IGDCC3: variants seen among roughly 807,000 people sequenced by gnomAD.
IGDCC3 encodes immunoglobulin superfamily DCC subclass member 3.
Under a neutral mutation model 72.0 loss-of-function variants are expected in IGDCC3, and 47 were observed. The ratio of observed to expected loss-of-function variants is 0.65; its 90% CI spans 0.52 to 0.83. The LOEUF (loss-of-function observed/expected upper bound fraction) is 0.83, where lower values mean the gene tolerates loss of function less well. IGDCC3 is among the 40% of genes least tolerant of loss of function. The probability of loss-of-function intolerance (pLI) is 0.00; values close to 1 mark genes in which losing one functional copy is unlikely to be tolerated. For synonymous variants in IGDCC3, 477 were observed against 472.8 expected (o/e 1.01, Z -0.11); for missense variants, 1,038 against 1,091.3 (o/e 0.95, Z 0.69).
intron 2 of IGDCC3, among the ~76,000 whole-genome samples, chr15:65,349,934 C>A (rs534681780): frequency 6.6e-6 from 1 of 152,064 alleles, no homozygotes; most frequent in Non-Finnish European, 1.5e-5. Flanking sequence ...GGTTCAGTTC[C>A]CCATCTAGGA....
intron 7 of IGDCC3, 33 bp downstream of exon 7, chr15:65,331,908 T>C: frequency 6.3e-7 from 1 of 1,597,210 alleles, no homozygotes; most frequent in Non-Finnish European, 8.5e-7. Flanking sequence ...TGCTCTCCCC[T>C]GGTCCTCACC....
At chr15:65,373,368 G>A (rs1441016838) in intron 2 of IGDCC3, 2 of 152,288 alleles carry the variant, frequency 1.3e-5, no homozygotes, top group Non-Finnish European at 2.9e-5. Context: ...ACTGCCGGGA[G>A]GGCCGAGAGA....
chr15:65,335,501 A>G lies in IGDCC3; in HGVS notation c.555-80T>C. On this transcript the variant is annotated intron_variant, in intron 3 of 13. Transcript: ENST00000327987. ...CACAAAGACTCTGGGCATCCAAGAT[A>G]CAGCCCAGGACCTAAGCACTGCACC... The G allele has an allele frequency of 6.4e-6, 9 of 1,410,508 alleles. No homozygotes were observed. The South Asian group carries it at 1.2e-4, about 18-fold the overall frequency. 87.4% of individuals were successfully genotyped at this position (1,410,508 alleles called of 1,614,324 possible). A position where few individuals can be genotyped will look rare whatever the true frequency, so the allele number is the denominator to read the frequency against.
chr15:65,355,723 C>T (rs2091214810), intron 2 of IGDCC3: 1 of 447,936 alleles, frequency 2.2e-6, no homozygotes, highest in Admixed American at 2.4e-5. Flanking sequence ...AATTACCTCG[C>T]TCGCACCACC....
intron 2 of IGDCC3, among the ~76,000 whole-genome samples, chr15:65,368,521 G>T (rs561132880): frequency 1.5e-4 from 23 of 152,284 alleles, no homozygotes; most frequent in Non-Finnish European, 3.1e-4. Context: ...CAAGTTCTGC[G>T]GGTGGGGGTG....
rs2091061599 is a variant in IGDCC3 at position 65,339,586 on chromosome 15, TTA to T, written c.410-3632_410-3631del. Among the ~76,000 whole-genome samples the T allele has an allele frequency of 6.6e-6, 1 of 152,200 alleles. No individual in the cohort carries two copies. Among genetic ancestry groups the T allele is most frequent in the Non-Finnish European group, 1.5e-5 (1 of 68,032 alleles). On this transcript the variant is annotated intron_variant, in intron 2 of 13. Transcript: ENST00000327987. The surrounding 1 kb of genome is among the most constrained non-coding windows in gnomAD (Gnocchi z 4.1). ...ACAGAGCCGGGTGGACTGTCCCTCA[TTA>T]TGTCTCTCTAGGGAGAGGGTCCCTG...
At chr15:65,340,041 C>G (rs2091065768) in intron 2 of IGDCC3, among the ~76,000 whole-genome samples, 1 of 152,188 alleles carries the variant, frequency 6.6e-6, no homozygotes, top group South Asian at 2.1e-4. Context: ...GCCCTGCCCC[C>G]ACCAGAGGTG....
rs749900045 is a variant in IGDCC3 at position 65,377,636 on chromosome 15, C to T, written c.103+50G>A. 3 of 1,381,866 alleles carry T rather than the reference C, an allele frequency of 2.2e-6. No individual in the cohort carries two copies. Among genetic ancestry groups the T allele is most frequent in the South Asian group, 3.4e-5 (2 of 58,064 alleles). The allele number at this position is 1,381,866 out of a possible 1,614,324, so 85.6% of individuals were successfully genotyped here. Reference sequence around the variant, plus strand: ...CGCGCCCGCTCCCTCCCTGCTCGCCCTTCCCCTGGCTCCGTCCGCAACCGC... The same window carrying T: ...CGCGCCCGCTCCCTCCCTGCTCGCCTTTCCCCTGGCTCCGTCCGCAACCGC... On this transcript the variant is annotated intron_variant, in intron 1 of 13. Coordinates refer to ENST00000327987, the MANE Select transcript of IGDCC3 (RefSeq NM_004884.4). The surrounding 1 kb of genome is among the most constrained non-coding windows in gnomAD (Gnocchi z 4.9).
At chr15:65,341,761 C>G (rs113003315) in intron 2 of IGDCC3, among the ~76,000 whole-genome samples, 3,237 of 152,252 alleles carry the variant, frequency 0.021, 108 homozygotes, top group African/African-American at 0.073. Flanking sequence ...GTGGTAGCTA[C>G]AAGCCACATG....
In IGDCC3 at chr15:65,334,740, A is replaced by G. The variant is rs1310759817; in HGVS notation, c.811T>C (p.Trp271Arg). 1 of 1,579,100 alleles carries G rather than the reference A, an allele frequency of 6.3e-7. No homozygotes were observed. Among genetic ancestry groups the G allele is most frequent in the Admixed American group, 1.8e-5 (1 of 55,192 alleles). ...ATGNPRPIVS[W>R]SRLDGRPIGV... Reference sequence around the variant, plus strand: ...GGATGAGGCTCACCCAGGCGGCTCCAGGACACAATGGGGCGCGGGTTGCCC... The same window carrying G: ...GGATGAGGCTCACCCAGGCGGCTCCGGGACACAATGGGGCGCGGGTTGCCC... Residue 271 changes from tryptophan (W) to arginine (R), a missense_variant, in exon 5 of 14, where the codon TGG becomes CGG. Trp to Arg is a moderately radical substitution (Grantham distance 101). Coordinates refer to ENST00000327987, the MANE Select transcript of IGDCC3 (RefSeq NM_004884.4).
chr15:65,370,534 A>G (rs11853273), intron 2 of IGDCC3, among the ~76,000 whole-genome samples: 1 of 136,018 alleles, frequency 7.4e-6, no homozygotes, highest in African/African-American at 2.7e-5. Flanking sequence ...ATATATATAT[A>G]TATTTATATA....
At position 65,339,104 on chromosome 15, in the gene IGDCC3, C is replaced by T. The variant is rs769295864; in HGVS notation, c.410-3148G>A. 7.9e-5 allele frequency among the ~76,000 whole-genome samples: 12 copies of T among 151,952 alleles called. No individual in the cohort carries two copies. Among genetic ancestry groups the T allele is most frequent in the Non-Finnish European group, 1.5e-4 (10 of 67,970 alleles). ...TTCTTTTTTCTTTTTCTTTTTGAGA[C>T]GGAATCTTGCTCTGTCACCCAGGCT... On this transcript the variant is annotated intron_variant, in intron 2 of 13. Coordinates refer to ENST00000327987, the MANE Select transcript of IGDCC3 (RefSeq NM_004884.4). The surrounding 1 kb of genome is among the most constrained non-coding windows in gnomAD (Gnocchi z 4.1).
intron 2 of IGDCC3, among the ~76,000 whole-genome samples, chr15:65,337,379 A>T (rs530548361): frequency 6.6e-6 from 1 of 152,090 alleles, no homozygotes; most frequent in South Asian, 2.1e-4. Flanking sequence ...ATGTGGTCTG[A>T]GTGTCTGTGT....
chr15:65,354,903 G>A (rs769621827), intron 2 of IGDCC3, among the ~76,000 whole-genome samples: 12 of 152,332 alleles, frequency 7.9e-5, no homozygotes, highest in Middle Eastern at 3.4e-3. Context: ...GCCTAACCAT[G>A]CAGATTTCCG....
intron 2 of IGDCC3, among the ~76,000 whole-genome samples, chr15:65,370,604 GTATATATATGTATGTGTATA>G (rs2091318538): frequency 2.8e-5 from 3 of 105,742 alleles, no homozygotes; most frequent in African/African-American, 1.0e-4. Context: ...ATATGTATGT[GTATATATATGTATGTGTATA>G]TATATATATA....
intron 2 of IGDCC3, among the ~76,000 whole-genome samples, chr15:65,353,566 T>C (rs2091189351): frequency 6.6e-6 from 1 of 152,108 alleles, no homozygotes; most frequent in Non-Finnish European, 1.5e-5. Flanking sequence ...GGGTAAGGCA[T>C]TCTAAATCAC....
intron 2 of IGDCC3, among the ~76,000 whole-genome samples, chr15:65,348,467 T>A (rs2091145212): frequency 6.6e-6 from 1 of 152,168 alleles, no homozygotes; most frequent in Admixed American, 6.5e-5. Flanking sequence ...AACATATTTC[T>A]GGCAAACAAT....
intron 2 of IGDCC3, 138 bp downstream of exon 2, chr15:65,374,959 C>G (rs1467807950): frequency 1.4e-6 from 1 of 706,148 alleles, no homozygotes; most frequent in Non-Finnish European, 2.4e-6. Flanking sequence ...CCAGGCACCT[C>G]AAAACCGACC....
chr15:65,363,212 A>G (rs2091271946), intron 2 of IGDCC3, among the ~76,000 whole-genome samples: 1 of 152,138 alleles, frequency 6.6e-6, no homozygotes, highest in South Asian at 2.1e-4. Context: ...AAAAGCCCAC[A>G]GGTGGAAAGG....
Sources: allele counts gnomAD v4.1 joint callset (sites outside exome capture counted in the v4.1 genomes callset), GRCh38; gene constraint gnomAD v4.1.1; non-coding constraint Gnocchi (gnomAD v3.1); transcripts MANE v1.5; gene names NCBI Gene and HGNC (gene_info 2026-07-23, HGNC 2026-07-21).